MTHFD2L: variants seen among roughly 807,000 people sequenced by gnomAD.
MTHFD2L encodes bifunctional methylenetetrahydrofolate dehydrogenase/cyclohydrolase 2, mitochondrial.
MTHFD2L carries 29 observed loss-of-function variants against 34.9 expected under a neutral mutation model. The ratio of observed to expected loss-of-function variants is 0.83; its 90% CI spans 0.62 to 1.13. The LOEUF (loss-of-function observed/expected upper bound fraction) is 1.13. MTHFD2L is among the 50% of genes most tolerant of loss of function. MTHFD2L has a pLI of 0.00. For missense variants in MTHFD2L, 481 were observed against 446.5 expected (o/e 1.08, Z -0.70); for synonymous variants, 167 against 155.7 (o/e 1.07, Z -0.54).
At chr4:74,197,442 A>G (rs1346692357) in intron 3 of MTHFD2L, among the ~76,000 whole-genome samples, 2 of 152,182 alleles carry the variant, frequency 1.3e-5, no homozygotes, top group Non-Finnish European at 2.9e-5. Flanking sequence ...GACAAGTATT[A>G]CTTAATCTAG....
rs551987384 is a variant in MTHFD2L, at chr4:74,211,304, G to A, written c.712+9934G>A. ...TTTCCAGCTTTTGCCCAATCACTAT[G>A]ATATTGGCTATGGGTTTGTCATAAA... On this transcript the variant is annotated intron_variant, in intron 5 of 7. Transcript: ENST00000325278. Among the ~76,000 whole-genome samples, 12 of 152,278 alleles carry A rather than the reference G, an allele frequency of 7.9e-5. No individual in the cohort carries two copies. In the South Asian group the frequency reaches 2.5e-3, roughly 32 times the overall value.
chr4:74,267,871 A>G, intron 6 of MTHFD2L: 1 of 985,404 alleles, frequency 1.0e-6, no homozygotes, highest in Non-Finnish European at 1.2e-6. Context: ...AGAGGATTCC[A>G]AAGCCCTAGA....
chr4:74,201,127 C>A, intron 4 of MTHFD2L, 136 bp from the exon 5 acceptor site: 1 of 585,982 alleles, frequency 1.7e-6, no homozygotes, highest in Non-Finnish European at 3.0e-6. Context: ...AATGAATGTG[C>A]TCATATTATA....
intron 3 of MTHFD2L, among the ~76,000 whole-genome samples, chr4:74,198,335 TGTTTGGAGAATG>T (rs1446005733): frequency 6.6e-5 from 10 of 152,180 alleles, no homozygotes; most frequent in Non-Finnish European, 1.3e-4. Context: ...TGAGGCTTAT[TGTTTGGAGAATG>T]GTTCTTAAAA....
chr4:74,276,973 G>T (rs1746737228), intron 6 of MTHFD2L, among the ~76,000 whole-genome samples: 1 of 151,878 alleles, frequency 6.6e-6, no homozygotes, highest in Admixed American at 6.6e-5. Flanking sequence ...TTAAATCATA[G>T]AATTGAAAGG....
rs1306870187 is a variant in MTHFD2L at position 74,185,092 on chromosome 4, C to A, written c.451+9689C>A. On this transcript the variant is annotated intron_variant, in intron 3 of 7. Transcript: ENST00000325278. ...TCCTGAACCTGGGAGGCGGAGCTTG[C>A]AGTGAGCCGAGATTAAGCCACTGCA... 3.0e-5 allele frequency among the ~76,000 whole-genome samples: 4 copies of A among 134,052 alleles called. No individual in the cohort carries two copies. In the Admixed American group the frequency reaches 3.6e-4, roughly 12 times the overall value. The allele number at this position is 134,052 out of a possible 152,430, so 87.9% of individuals were successfully genotyped here. A position where few individuals can be genotyped will look rare whatever the true frequency, so the allele number is the denominator to read the frequency against.
chr4:74,255,176 G>A (rs926152178), intron 6 of MTHFD2L, among the ~76,000 whole-genome samples: 10 of 148,632 alleles, frequency 6.7e-5, no homozygotes, highest in African/African-American at 2.2e-4. Context: ...TAGTTAATGG[G>A]TATACAGTAT....
chr4:74,216,243 T>G (rs146532579), intron 5 of MTHFD2L, among the ~76,000 whole-genome samples: 1 of 151,930 alleles, frequency 6.6e-6, no homozygotes, highest in East Asian at 1.9e-4. Flanking sequence ...TTTCTTCTCA[T>G]TCTCTGTTTC....
At chr4:74,212,323 G>A (rs1011903242) in intron 5 of MTHFD2L, among the ~76,000 whole-genome samples, 2 of 152,094 alleles carry the variant, frequency 1.3e-5, no homozygotes, top group African/African-American at 4.8e-5. Flanking sequence ...TTTCTCCTGT[G>A]GGTATTTAGT....
chr4:74,158,390 G>T (rs1724641691), intron 1 of MTHFD2L, 109 bp downstream of exon 1: 16 of 862,102 alleles, frequency 1.9e-5, no homozygotes, highest in Non-Finnish European at 1.8e-5. Context: ...CGGCCGCGCG[G>T]CGGCGGGCTG....
intron 6 of MTHFD2L, among the ~76,000 whole-genome samples, chr4:74,271,696 A>G (rs1001748458): frequency 1.3e-5 from 2 of 152,094 alleles, no homozygotes; most frequent in African/African-American, 2.4e-5. Context: ...GTTTTTTCCA[A>G]TTCTGTGAAG....
At position 74,302,266 on chromosome 4, in the gene MTHFD2L, C is replaced by T. The variant is rs1750412940; in HGVS notation, c.*457C>T. The T allele has an allele frequency of 6.6e-6, 1 of 151,900 alleles. No individual in the cohort carries two copies. 9.4% of individuals were successfully genotyped at this position (151,900 alleles called of 1,614,324 possible). A position where few individuals can be genotyped will look rare whatever the true frequency, so the allele number is the denominator to read the frequency against. Reference sequence around the variant, plus strand: ...CATATATTAAAAAAGAGCTTGCTTACTACAAGAAAAATATTGAAATATTGA... The same window carrying T: ...CATATATTAAAAAAGAGCTTGCTTATTACAAGAAAAATATTGAAATATTGA... On this transcript the variant is annotated 3_prime_UTR_variant, in exon 8 of 8. Coordinates refer to ENST00000325278, the MANE Select transcript of MTHFD2L (RefSeq NM_001144978.3).
chr4:74,272,805 C>T (rs9997788), intron 6 of MTHFD2L, among the ~76,000 whole-genome samples: 30,550 of 152,036 alleles, frequency 0.2, 3,083 homozygotes, highest in Non-Finnish European at 0.21. Context: ...AGAAAATGAG[C>T]AGAAAGTGAG....
intron 1 of MTHFD2L, among the ~76,000 whole-genome samples, chr4:74,143,735 T>C (rs1723420673): frequency 6.7e-6 from 1 of 149,518 alleles, no homozygotes; most frequent in Non-Finnish European, 1.5e-5. Flanking sequence ...GAAAATAAGA[T>C]AAGCAAGAGG....
At chr4:74,148,497 C>G (rs1723744574) in intron 1 of MTHFD2L, among the ~76,000 whole-genome samples, 1 of 151,858 alleles carries the variant, frequency 6.6e-6, no homozygotes, top group African/African-American at 2.4e-5. Context: ...AAGTGATTCT[C>G]CTGTCTCAGT....
intron 5 of MTHFD2L, among the ~76,000 whole-genome samples, chr4:74,221,881 G>T (rs577890882): frequency 6.6e-6 from 1 of 150,926 alleles, no homozygotes. Flanking sequence ...ACATTATATA[G>T]TACTCTTAAT....
rs776881510 is a variant in MTHFD2L, at chr4:74,175,388, C to T, written c.436C>T (p.Gln146Ter). The change falls in exon 3 of 8, where the codon CAG becomes TAG. Residue 146 changes from glutamine (Q) to a stop codon, truncating the protein, a stop_gained. Coordinates refer to ENST00000325278, the MANE Select transcript of MTHFD2L (RefSeq NM_001144978.3). LOFTEE classifies it high-confidence loss of function. ...MDPRVSGILV[Q>*]LPLPDHVDER... Reference sequence around the variant, plus strand: ...CCCAAGAGTCAGCGGTATATTAGTTCAGTTACCACTACCAGGTACATAATG... The same window carrying T: ...CCCAAGAGTCAGCGGTATATTAGTTTAGTTACCACTACCAGGTACATAATG... The T allele has an allele frequency of 6.2e-7, 1 of 1,611,182 alleles. No homozygotes were observed. Among genetic ancestry groups the T allele is most frequent in the South Asian group, 1.1e-5 (1 of 90,498 alleles).
intron 6 of MTHFD2L, among the ~76,000 whole-genome samples, chr4:74,247,437 T>G (rs1030899381): frequency 1.8e-4 from 28 of 152,010 alleles, no homozygotes; most frequent in African/African-American, 6.3e-4. Context: ...AGGGACAATT[T>G]GACTTCCTCT....
At chr4:74,191,167 T>C (rs1732408145) in intron 3 of MTHFD2L, among the ~76,000 whole-genome samples, 1 of 152,132 alleles carries the variant, frequency 6.6e-6, no homozygotes. Flanking sequence ...TCCTGAAGTG[T>C]TGGGATTACA....
Sources: allele counts gnomAD v4.1 joint callset (sites outside exome capture counted in the v4.1 genomes callset), GRCh38; gene constraint gnomAD v4.1.1; transcripts MANE v1.5; gene names NCBI Gene and HGNC (gene_info 2026-07-23, HGNC 2026-07-21).